SPATA13: variants seen among roughly 807,000 people sequenced by gnomAD.
SPATA13 encodes the protein spermatogenesis-associated protein 13.
Under a neutral mutation model 104.0 loss-of-function variants are expected in SPATA13, and 50 were observed. The ratio of observed to expected loss-of-function variants is 0.48; its 90% CI spans 0.38 to 0.61. SPATA13 has a LOEUF of 0.61. SPATA13 is among the 20% of genes least tolerant of loss of function. The pLI is 0.00. For missense variants in SPATA13, 1,524 were observed against 1,690.6 expected (o/e 0.90, Z 1.73); for synonymous variants, 606 against 667.5 (o/e 0.91, Z 1.42).
intron 3 of SPATA13, among the ~76,000 whole-genome samples, chr13:24,077,943 A>C (rs1447344972): frequency 6.6e-6 from 1 of 152,042 alleles, no homozygotes; most frequent in Non-Finnish European, 1.5e-5. Flanking sequence ...GTCCCACCCC[A>C]GGCTTGATCT....
rs1164317247 is a variant in SPATA13, at chr13:24,289,187, C to T, written c.2847+9C>T. ...CTTGCTTTCTTCAAAATGTGCGTCA[C>T]CCTTTACTTCATTATTAATAACATC... On this transcript the variant is annotated intron_variant, in intron 8 of 12. Coordinates refer to ENST00000382108, the MANE Select transcript of SPATA13 (RefSeq NM_001166271.3). 4 of 1,598,180 alleles carry T rather than the reference C, an allele frequency of 2.5e-6. No individual in the cohort carries two copies. Among genetic ancestry groups the T allele is most frequent in the Non-Finnish European group, 3.4e-6 (4 of 1,175,186 alleles).
intron 1 of SPATA13, among the ~76,000 whole-genome samples, chr13:23,983,106 G>A (rs1472373522): frequency 6.6e-6 from 1 of 152,158 alleles, no homozygotes; most frequent in African/African-American, 2.4e-5. Context: ...TGGGAGTGAG[G>A]GGTTGGGAGA....
At chr13:24,254,350 C>T (rs1005779471) in intron 4 of SPATA13, 3 of 152,182 alleles carry the variant, frequency 2.0e-5, no homozygotes, top group Admixed American at 6.5e-5. Context: ...GGTTTCCGGC[C>T]CTGCATCTTC....
chr13:24,071,764 A>C (rs1879170049), intron 3 of SPATA13, among the ~76,000 whole-genome samples: 1 of 152,190 alleles, frequency 6.6e-6, no homozygotes, highest in African/African-American at 2.4e-5. Flanking sequence ...GGCTCTTGGC[A>C]TTGTCACTCA....
At chr13:24,119,176 G>A (rs61945508) in intron 3 of SPATA13, among the ~76,000 whole-genome samples, 14,461 of 151,998 alleles carry the variant, frequency 0.095, 793 homozygotes, top group Non-Finnish European at 0.13. Context: ...CAAAGAGCTG[G>A]GATTACAGGC....
chr13:24,158,025 C>T (rs1180906600), upstream of SPATA13, among the ~76,000 whole-genome samples: 3 of 152,158 alleles, frequency 2.0e-5, no homozygotes, highest in African/African-American at 4.8e-5. Flanking sequence ...AAGGGAAAGA[C>T]ACATTCTAGT....
intron 3 of SPATA13, among the ~76,000 whole-genome samples, chr13:24,052,480 A>G (rs1878378736): frequency 7.5e-6 from 1 of 133,274 alleles, no homozygotes; most frequent in Non-Finnish European, 1.6e-5. Context: ...TATTGATAAA[A>G]AGAAATATAT....
At chr13:24,013,101 G>C (rs1231755137) in intron 2 of SPATA13, among the ~76,000 whole-genome samples, 1 of 152,224 alleles carries the variant, frequency 6.6e-6, no homozygotes, top group African/African-American at 2.4e-5. Context: ...CAGAGCCAGG[G>C]TGGGGGGTAC....
chr13:23,998,001 G>A (rs1875776090), intron 2 of SPATA13, among the ~76,000 whole-genome samples: 2 of 152,192 alleles, frequency 1.3e-5, no homozygotes, highest in Non-Finnish European at 1.5e-5. Context: ...CTGGTCTTGG[G>A]CTATGATGAG....
At chr13:24,022,557 A>G (rs1407857709) in intron 3 of SPATA13, among the ~76,000 whole-genome samples, 2 of 152,226 alleles carry the variant, frequency 1.3e-5, no homozygotes, top group African/African-American at 4.8e-5. Flanking sequence ...GTGAAAATGT[A>G]CTTTACTGAG....
At chr13:24,160,004 C>T (rs191975688), upstream of SPATA13, among the ~76,000 whole-genome samples, 199 of 152,292 alleles carry the variant, frequency 1.3e-3, 2 homozygotes, top group South Asian at 6.4e-3. Context: ...AATGATTAGG[C>T]CTTGAGCCTC....
chr13:24,285,017 T>A (rs534054251), intron 5 of SPATA13, among the ~76,000 whole-genome samples: 2 of 152,292 alleles, frequency 1.3e-5, no homozygotes, highest in African/African-American at 2.4e-5. Flanking sequence ...GCTTTTTTTT[T>A]AGGAAATCAT....
At chr13:24,144,022 TAG>T (rs1311142435) in intron 3 of SPATA13, among the ~76,000 whole-genome samples, 1 of 152,118 alleles carries the variant, frequency 6.6e-6, no homozygotes. Context: ...TCAAAGCACG[TAG>T]AGTGGGGAGA....
chr13:24,189,573 ATACT>A (rs1436173927), intron 1 of SPATA13, among the ~76,000 whole-genome samples: 2 of 128,318 alleles, frequency 1.6e-5, no homozygotes, highest in East Asian at 2.1e-4. Context: ...TATTACATAC[ATACT>A]ATGTATGTAA....
At chr13:24,278,788 A>G in intron 4 of SPATA13, 2 of 1,602,456 alleles carry the variant, frequency 1.2e-6, no homozygotes, top group Non-Finnish European at 1.7e-6. Context: ...AAAATATAGA[A>G]AAGAAAAAAA....
At chr13:24,192,681 C>T (rs1566143252) in intron 1 of SPATA13, among the ~76,000 whole-genome samples, 1 of 152,132 alleles carries the variant, frequency 6.6e-6, no homozygotes, top group Non-Finnish European at 1.5e-5. Context: ...CCAGAGCACA[C>T]AGATAGGCTT....
intron 3 of SPATA13, among the ~76,000 whole-genome samples, chr13:24,068,812 C>A (rs1879059620): frequency 6.6e-6 from 1 of 152,064 alleles, no homozygotes; most frequent in African/African-American, 2.4e-5. Flanking sequence ...GCATGTATGT[C>A]TTCTTTTGAA....
Position 24,304,390 on chromosome 13 carries a change from A to G in SPATA13, c.*1617A>G, listed in dbSNP as rs1318240594. ...TTTCAACCCGCTCAGTGCCCTGGAC[A>G]GGAGATGCTGTGTTAAACTGTTAAT... On this transcript the variant is annotated 3_prime_UTR_variant, in exon 13 of 13. Transcript: ENST00000382108. 1.3e-5 allele frequency: 2 copies of G among 152,190 alleles called. No homozygotes were observed. Among genetic ancestry groups the G allele is most frequent in the Non-Finnish European group, 1.5e-5 (1 of 68,038 alleles). 9.4% of individuals were successfully genotyped at this position (152,190 alleles called of 1,614,324 possible).
chr13:24,147,981 T>A (rs1211334170), intron 3 of SPATA13, among the ~76,000 whole-genome samples: 1 of 152,362 alleles, frequency 6.6e-6, no homozygotes, highest in East Asian at 1.9e-4. Flanking sequence ...CACATTTTTT[T>A]AATCCATTCA....
Sources: allele counts gnomAD v4.1 joint callset (sites outside exome capture counted in the v4.1 genomes callset), GRCh38; gene constraint gnomAD v4.1.1; transcripts MANE v1.5; gene names NCBI Gene and HGNC (gene_info 2026-07-23, HGNC 2026-07-21).